MYLK: variants seen among roughly 807,000 people sequenced by gnomAD.
The protein encoded by MYLK is myosin light chain kinase, smooth muscle.
Under a neutral mutation model 203.4 loss-of-function variants are expected in MYLK, and 106 were observed. The observed-to-expected ratio is 0.52, with a 90% CI of 0.45 to 0.61. MYLK has a LOEUF of 0.61. MYLK is among the 20% of genes least tolerant of loss of function. MYLK has a pLI of 0.00. For missense variants in MYLK, 2,072 were observed against 2,442.3 expected, an observed-to-expected ratio of 0.85 and a Z score of 3.20; for synonymous variants, 867 against 959.5, an observed-to-expected ratio of 0.90 and a Z score of 1.78.
intron 2 of MYLK, among the ~76,000 whole-genome samples, chr3:123,873,852 A>G (rs910226284): frequency 1.3e-5 from 2 of 152,148 alleles, no homozygotes; most frequent in African/African-American, 2.4e-5. Flanking sequence ...GTAGTTATAA[A>G]TACTAGCAAT....
Position 123,794,766 on chromosome 3 carries a change from T to C in MYLK, c.-3-922A>G, listed in dbSNP as rs536416007. On this transcript the variant is annotated intron_variant, in intron 3 of 33. Transcript: ENST00000360304. ...ATATTTTATTATTCTTAATTTTAAATACATTTCATCATAAAACTTGAAAAT... is the reference window on the plus strand; with the variant it reads ...ATATTTTATTATTCTTAATTTTAAACACATTTCATCATAAAACTTGAAAAT... 8.5e-5 allele frequency among the ~76,000 whole-genome samples: 13 copies of C among 152,348 alleles called. 1 individual carries two copies. In the South Asian group the frequency reaches 2.7e-3, roughly 32 times the overall value.
At chr3:123,620,683 A>C in intron 31 of MYLK, 1 of 1,070,032 alleles carries the variant, frequency 9.3e-7, no homozygotes, top group South Asian at 3.1e-5. Context: ...GACAGCTCCA[A>C]AGACTTATTG....
chr3:123,639,656 C>T (rs2058764520), intron 28 of MYLK, among the ~76,000 whole-genome samples: 1 of 152,186 alleles, frequency 6.6e-6, no homozygotes, highest in Admixed American at 6.5e-5. Flanking sequence ...GACCTCTCTC[C>T]TGGCTAGCAT....
At chr3:123,878,653 G>C (rs2033309670) in intron 1 of MYLK, among the ~76,000 whole-genome samples, 1 of 152,190 alleles carries the variant, frequency 6.6e-6, no homozygotes, top group South Asian at 2.1e-4. Context: ...ACCAGGATAG[G>C]TAGTGATGAG....
chr3:123,795,602 G>A (rs2064957187), intron 3 of MYLK, among the ~76,000 whole-genome samples: 1 of 152,194 alleles, frequency 6.6e-6, no homozygotes, highest in African/African-American at 2.4e-5. Context: ...AGAGCTAGGT[G>A]GTCGGACTCC....
chr3:123,855,509 T>TCCTGTCACCCAGGCTG (rs1423796915), intron 2 of MYLK, among the ~76,000 whole-genome samples: 1 of 151,980 alleles, frequency 6.6e-6, no homozygotes, highest in African/African-American at 2.4e-5. Context: ...GGCTGGAGCA[T>TCCTGTCACCCAGGCTG]GAGCCTGTAG....
chr3:123,659,757 A>T (rs1170396740), intron 23 of MYLK: 2 of 507,316 alleles, frequency 3.9e-6, no homozygotes, highest in Non-Finnish European at 7.9e-6. Flanking sequence ...ACACACTCAG[A>T]CTGGGAGGGA....
At chr3:123,667,062 C>CA in intron 21 of MYLK, 75 bp downstream of exon 21, 1 of 1,342,168 alleles carries the variant, frequency 7.5e-7, no homozygotes, top group Non-Finnish European at 1.1e-6. Flanking sequence ...ACCCAGGTGT[C>CA]AGTCTAGCAA....
Position 123,794,397 on chromosome 3 carries a change from A to G in MYLK, c.-3-553T>C, listed in dbSNP as rs753902283. On this transcript the variant is annotated intron_variant, in intron 3 of 33. Coordinates refer to ENST00000360304, the MANE Select transcript of MYLK (RefSeq NM_053025.4). Reference sequence around the variant, plus strand: ...GAGGTAAAGGGAGAGTCTTGGCTGAATGAAGGGAAGGAGGTAGGCATGGGG... The same window carrying G: ...GAGGTAAAGGGAGAGTCTTGGCTGAGTGAAGGGAAGGAGGTAGGCATGGGG... 2.6e-5 allele frequency among the ~76,000 whole-genome samples: 4 copies of G among 152,312 alleles called. No individual in the cohort carries two copies. In the Middle Eastern group the frequency reaches 0.014, roughly 518 times the overall value.
chr3:123,708,981 G>C, intron 14 of MYLK, 86 bp from the exon 15 acceptor site: 1 of 1,130,018 alleles, frequency 8.8e-7, no homozygotes, highest in African/African-American at 1.5e-5. Flanking sequence ...AGTGATATTG[G>C]ATGAAACACT....
intron 4 of MYLK, among the ~76,000 whole-genome samples, chr3:123,785,497 T>C (rs1251060018): frequency 3.3e-5 from 5 of 152,256 alleles, no homozygotes; most frequent in Admixed American, 6.5e-5. Flanking sequence ...GTTAGCATTC[T>C]ACAATGAAGA....
Position 123,649,178 on chromosome 3 carries a change from C to T in MYLK, c.4305G>A (p.Val1435=). 6.2e-7 allele frequency: 1 copy of T among 1,613,020 alleles called. No homozygotes were observed. Among genetic ancestry groups the T allele is most frequent in the South Asian group, 1.1e-5 (1 of 91,030 alleles). Reference sequence around the variant, plus strand: ...TGCACTCACCATCATCTGACACCTCCACTTCATCCTTCGGCTCTGGGGGGG... The same window carrying T: ...TGCACTCACCATCATCTGACACCTCTACTTCATCCTTCGGCTCTGGGGGGG... ...GEKPEEPKDE[V]EVSDDDEKEP... is the part of the protein sequence containing the mutation. Residue 1435 remains valine, a synonymous_variant, in exon 25 of 34, where the codon GTG becomes GTA. Coordinates refer to ENST00000360304, the MANE Select transcript of MYLK (RefSeq NM_053025.4).
chr3:123,875,247 A>T (rs72974236), intron 2 of MYLK, among the ~76,000 whole-genome samples: 1 of 152,170 alleles, frequency 6.6e-6, no homozygotes, highest in African/African-American at 2.4e-5. Flanking sequence ...AGGTAAACAC[A>T]CGGTGATACG....
At position 123,629,739 on chromosome 3, in the gene MYLK, A is replaced by G; in HGVS notation, c.4962-113T>C. The G allele has an allele frequency of 9.0e-7, 1 of 1,111,876 alleles. No homozygotes were observed. Among genetic ancestry groups the G allele is most frequent in the East Asian group, 2.4e-5 (1 of 41,308 alleles). 68.9% of individuals were successfully genotyped at this position (1,111,876 alleles called of 1,614,324 possible). A position where few individuals can be genotyped will look rare whatever the true frequency, so the allele number is the denominator to read the frequency against. ...GGCCAGCCTCCCCACCCCCAAACTC[A>G]TGCTCTGTGGGCCTTGCACCTGCCT... On this transcript the variant is annotated intron_variant, in intron 29 of 33. Coordinates refer to ENST00000360304, the MANE Select transcript of MYLK (RefSeq NM_053025.4). This position sits in a 1 kb window ranked among gnomAD's most constrained non-coding sequence, Gnocchi z 4.4.
chr3:123,718,459 C>T (rs1174443507), intron 13 of MYLK, among the ~76,000 whole-genome samples: 1 of 152,214 alleles, frequency 6.6e-6, no homozygotes, highest in African/African-American at 2.4e-5. Context: ...TCCTCTCCTC[C>T]AGAGGCCTGG....
intron 31 of MYLK, chr3:123,623,592 CAAG>C (rs2057987499): frequency 6.6e-6 from 1 of 152,068 alleles, no homozygotes; most frequent in Non-Finnish European, 1.5e-5. Context: ...ACCAGAATAA[CAAG>C]AAGGTGCCTT....
chr3:123,770,109 G>A (rs1474021637), intron 4 of MYLK, among the ~76,000 whole-genome samples: 2 of 149,416 alleles, frequency 1.3e-5, no homozygotes, highest in African/African-American at 2.5e-5. Context: ...TCAGGAGTTC[G>A]AGACGAGGCT....
In MYLK at chr3:123,640,539, A is replaced by G; in HGVS notation, c.4620-35T>C. ...CACGTGCACGGGGTGGTCAGGCCAC[A>G]GGCTCATGGAGGCCAGGCTGGCAGG... On this transcript the variant is annotated intron_variant, in intron 27 of 33. Coordinates refer to ENST00000360304, the MANE Select transcript of MYLK (RefSeq NM_053025.4). This position sits in a 1 kb window ranked among gnomAD's most constrained non-coding sequence, Gnocchi z 4.3. The G allele has an allele frequency of 6.2e-7, 1 of 1,608,498 alleles. No homozygotes were observed. Among genetic ancestry groups the G allele is most frequent in the South Asian group, 1.1e-5 (1 of 90,920 alleles).
intron 3 of MYLK, among the ~76,000 whole-genome samples, chr3:123,825,638 C>T (rs2066089522): frequency 6.6e-6 from 1 of 152,352 alleles, no homozygotes; most frequent in African/African-American, 2.4e-5. Flanking sequence ...ATCTTGAGAC[C>T]TCAGCCACCT....
Sources: gnomAD v4.1 joint callset for allele counts (sites outside exome capture counted in the v4.1 genomes callset) on GRCh38, gnomAD v4.1.1 for gene constraint, Gnocchi (gnomAD v3.1) non-coding constraint, MANE v1.5 for transcripts, NCBI Gene and HGNC (gene_info 2026-07-23, HGNC 2026-07-21) for gene names.